ANKRD20A1: variants seen among roughly 807,000 people sequenced by gnomAD.
ANKRD20A1 encodes ankyrin repeat domain 20 family member A1.
In ANKRD20A1, 2 loss-of-function variants were observed where a neutral mutation model predicts 50.9. The observed-to-expected ratio is 0.04, with a 90% CI of 0.02 to 0.12. The LOEUF is 0.12. Ranked by LOEUF, ANKRD20A1 falls within the 10% of genes least tolerant of loss-of-function variation. The probability of loss-of-function intolerance (pLI) is 1.00; values close to 1 mark genes in which losing one functional copy is unlikely to be tolerated. For missense variants in ANKRD20A1, 31 were observed against 548.1 expected, an observed-to-expected ratio of 0.06 and a Z score of 9.42; for synonymous variants, 10 against 186.2, an observed-to-expected ratio of 0.05 and a Z score of 7.70.
At position 67,884,554 on chromosome 9, in the gene ANKRD20A1, C is replaced by A; in HGVS notation, c.963C>A (p.Val321=). Residue 321 remains valine, a synonymous_variant, in exon 9 of 15, where the codon GTC becomes GTA. Coordinates refer to ENST00000562196, the MANE Select transcript of ANKRD20A1 (RefSeq NM_032250.5). The part of the protein sequence containing the change: ...GSSHEKGNRI[V]NGQGEGPPAK... ...CGCATGAAAAAGGAAACAGAATAGTCAATGGACAAGGAGAAGGTGAGAACC... is the reference window on the plus strand; with the variant it reads ...CGCATGAAAAAGGAAACAGAATAGTAAATGGACAAGGAGAAGGTGAGAACC... 10 of 1,591,982 alleles carry A rather than the reference C, an allele frequency of 6.3e-6. No individual in the cohort carries two copies. Among genetic ancestry groups the A allele is most frequent in the Non-Finnish European group, 8.5e-6 (10 of 1,178,518 alleles).
intron 6 of ANKRD20A1, among the ~76,000 whole-genome samples, chr9:67,872,721 A>G (rs200137588): frequency 1.4e-4 from 18 of 128,068 alleles, no homozygotes; most frequent in African/African-American, 4.9e-4. Context: ...TATGTTGCCT[A>G]GGCTAGAATA....
chr9:67,881,200 AC>A (rs1735221769), intron 8 of ANKRD20A1, among the ~76,000 whole-genome samples: 1 of 147,016 alleles, frequency 6.8e-6, no homozygotes, highest in South Asian at 2.2e-4. Flanking sequence ...GATTGCTTGA[AC>A]CCAGGAGTTT....
At chr9:67,865,534 CAA>C (rs1827549649) in intron 3 of ANKRD20A1, among the ~76,000 whole-genome samples, 1 of 147,914 alleles carries the variant, frequency 6.8e-6, no homozygotes, top group African/African-American at 2.5e-5. Flanking sequence ...ATAAAAAAAA[CAA>C]GGGCTATATT....
intron 12 of ANKRD20A1, among the ~76,000 whole-genome samples, chr9:67,893,740 GCTGTCTTTACC>G (rs1247434817): frequency 6.8e-6 from 1 of 147,420 alleles, no homozygotes; most frequent in African/African-American, 2.5e-5. Flanking sequence ...GTAACTCATA[GCTGTCTTTACC>G]CTTGGAATTG....
At chr9:67,881,413 ACT>A (rs1240104248) in intron 8 of ANKRD20A1, among the ~76,000 whole-genome samples, 20 of 119,606 alleles carry the variant, frequency 1.7e-4, no homozygotes, top group Non-Finnish European at 3.5e-4. Flanking sequence ...AGAAGCAGAG[ACT>A]CTTAATACCA....
chr9:67,885,530 T>A (rs1587603679), intron 9 of ANKRD20A1, among the ~76,000 whole-genome samples: 1 of 152,430 alleles, frequency 6.6e-6, no homozygotes, highest in East Asian at 1.9e-4. Flanking sequence ...ATTAACATAA[T>A]TGAATAGTGT....
intron 9 of ANKRD20A1, among the ~76,000 whole-genome samples, chr9:67,885,461 C>G (rs1351393588): frequency 2.6e-5 from 4 of 152,308 alleles, no homozygotes; most frequent in Non-Finnish European, 4.4e-5. Context: ...CCATGTATGG[C>G]TATAATTTGT....
chr9:67,861,014 CA>C lies in ANKRD20A1; in HGVS notation c.203+1389del, dbSNP rs1310636341. The stretch of plus-strand genomic sequence containing the variant: ...GGTCTTGTTTTAGCAAAAATATGTA[CA>C]AAATATAAAATTTGTAATTTCTGAG... On this transcript the variant is annotated intron_variant, in intron 1 of 14. Coordinates refer to ENST00000562196, the MANE Select transcript of ANKRD20A1 (RefSeq NM_032250.5). Among the ~76,000 whole-genome samples, 2 of 44,982 alleles carry C rather than the reference CA, an allele frequency of 4.4e-5. 1 individual carries two copies. The highest frequency in any genetic ancestry group is 8.8e-4 in the East Asian group (2 of 2,276). 29.5% of individuals were successfully genotyped at this position (44,982 alleles called of 152,430 possible).
Position 67,878,891 on chromosome 9 carries a change from G to A in ANKRD20A1, c.824+1101G>A, listed in dbSNP as rs1274709786. 5.0e-5 allele frequency among the ~76,000 whole-genome samples: 3 copies of A among 60,526 alleles called. 1 individual carries two copies. The highest frequency in any genetic ancestry group is 1.0e-4 in the African/African-American group (3 of 28,672). The allele number at this position is 60,526 out of a possible 152,430, so 39.7% of individuals were successfully genotyped here. A position where few individuals can be genotyped will look rare whatever the true frequency, so the allele number is the denominator to read the frequency against. ...AATGGAATTAGCTGGGGAACCCAAT[G>A]GAAGTAGATAAGAATGGAATGAGCA... On this transcript the variant is annotated intron_variant, in intron 7 of 14. Transcript: ENST00000562196.
intron 11 of ANKRD20A1, among the ~76,000 whole-genome samples, chr9:67,890,979 G>T: frequency 1.2e-5 from 1 of 85,208 alleles, no homozygotes; most frequent in African/African-American, 4.0e-5. Flanking sequence ...GGTAGATCCA[G>T]GAAACAGAAC....
At chr9:67,881,172 G>A (rs1208207485) in intron 8 of ANKRD20A1, among the ~76,000 whole-genome samples, 2 of 149,582 alleles carry the variant, frequency 1.3e-5, no homozygotes, top group East Asian at 4.1e-4. Flanking sequence ...CCTGCTACTT[G>A]GGAATTTGAG....
intron 11 of ANKRD20A1, among the ~76,000 whole-genome samples, chr9:67,890,637 G>A (rs372737780): frequency 6.6e-6 from 1 of 151,124 alleles, no homozygotes. Flanking sequence ...GTTTTCAGAA[G>A]AGCTGTATCA....
rs1198212064 is a variant in ANKRD20A1 at position 67,885,015 on chromosome 9, A to G, written c.979+445A>G. Among the ~76,000 whole-genome samples, 12 of 77,184 alleles carry G rather than the reference A, an allele frequency of 1.6e-4. 1 individual carries two copies. The highest frequency in any genetic ancestry group is 4.1e-4 in the Non-Finnish European group (12 of 29,142). 50.6% of individuals were successfully genotyped at this position (77,184 alleles called of 152,430 possible). A position where few individuals can be genotyped will look rare whatever the true frequency, so the allele number is the denominator to read the frequency against. On this transcript the variant is annotated intron_variant, in intron 9 of 14. Coordinates refer to ENST00000562196, the MANE Select transcript of ANKRD20A1 (RefSeq NM_032250.5). ...TAATAAGTAAAGAAGTGAAATGGTG[A>G]TAAGTTGTGTCTCTAACCAAGGGTC... is the stretch of plus-strand genomic sequence containing the variant.
At chr9:67,885,661 G>A (rs1170837385) in intron 9 of ANKRD20A1, among the ~76,000 whole-genome samples, 2 of 152,296 alleles carry the variant, frequency 1.3e-5, no homozygotes, top group Admixed American at 6.5e-5. Context: ...AGAAATTGAG[G>A]CTAGGCCAAA....
At chr9:67,884,821 C>T (rs1452707578) in intron 9 of ANKRD20A1, among the ~76,000 whole-genome samples, 4 of 151,198 alleles carry the variant, frequency 2.6e-5, no homozygotes, top group East Asian at 4.0e-4. Context: ...ACCCGGGAGG[C>T]GGGGCTTGCA....
At position 67,886,663 on chromosome 9, in the gene ANKRD20A1, G is replaced by T. The variant is rs527664500; in HGVS notation, c.980-613G>T. On this transcript the variant is annotated intron_variant, in intron 9 of 14. Transcript: ENST00000562196. ...ATGAGGGGATAGGAGAAATGTAGGT[G>T]CTGCAGTAGCCCATGTGATCATGGG... Among the ~76,000 whole-genome samples, 145 of 64,456 alleles carry T rather than the reference G, an allele frequency of 2.2e-3. 14 individuals are homozygous for T. The highest frequency in any genetic ancestry group is 6.3e-3 in the African/African-American group (138 of 22,044). The allele number at this position is 64,456 out of a possible 152,430, so 42.3% of individuals were successfully genotyped here. A position where few individuals can be genotyped will look rare whatever the true frequency, so the allele number is the denominator to read the frequency against.
rs1181137357 is a variant in ANKRD20A1, at chr9:67,896,259, G to A, written c.1153-1300G>A. Among the ~76,000 whole-genome samples, 3 of 63,072 alleles carry A rather than the reference G, an allele frequency of 4.8e-5. 1 individual carries two copies. Among genetic ancestry groups the A allele is most frequent in the African/African-American group, 1.4e-4 (3 of 21,566 alleles). The allele number at this position is 63,072 out of a possible 152,430, so 41.4% of individuals were successfully genotyped here. A position where few individuals can be genotyped will look rare whatever the true frequency, so the allele number is the denominator to read the frequency against. ...CACGTCTAGCCTTGAGAGTTGCAAC[G>A]AATATTCCCAGCCAAATGAGTCTGT... On this transcript the variant is annotated intron_variant, in intron 12 of 14. Transcript: ENST00000562196.
intron 9 of ANKRD20A1, among the ~76,000 whole-genome samples, chr9:67,885,054 A>T (rs1263853170): frequency 7.0e-6 from 1 of 143,650 alleles, no homozygotes; most frequent in African/African-American, 2.5e-5. Flanking sequence ...AGTTGATTCT[A>T]TTGGGAGTAC....
intron 9 of ANKRD20A1, among the ~76,000 whole-genome samples, chr9:67,884,891 GA>G (rs1452588144): frequency 1.3e-5 from 2 of 149,870 alleles, no homozygotes; most frequent in Admixed American, 1.4e-4. Flanking sequence ...CTCCGTCTCA[GA>G]AAAAACAAAA....
Sources: allele counts gnomAD v4.1 joint callset (sites outside exome capture counted in the v4.1 genomes callset), GRCh38; gene constraint gnomAD v4.1.1; transcripts MANE v1.5; gene names NCBI Gene and HGNC (gene_info 2026-07-23, HGNC 2026-07-21).